JCAD: variants seen among roughly 807,000 people sequenced by gnomAD.
JCAD encodes the protein junctional cadherin 5-associated protein.
A neutral mutation model predicts 98.0 loss-of-function variants in JCAD; 40 were observed. That is an observed-to-expected ratio of 0.41 (90% CI 0.32 to 0.53). The LOEUF is 0.53. Ranked by LOEUF, JCAD falls within the 20% of genes least tolerant of loss-of-function variation. The pLI, the probability that JCAD is intolerant of heterozygous loss-of-function variation, is 0.31. For missense variants in JCAD, 1,705 were observed against 1,738.1 expected (o/e 0.98, Z 0.34); for synonymous variants, 691 against 682.3 (o/e 1.01, Z -0.20).
At chr10:30,039,189 T>G (rs1837188391) in intron 2 of JCAD, among the ~76,000 whole-genome samples, 2 of 152,192 alleles carry the variant, frequency 1.3e-5, no homozygotes, top group Non-Finnish European at 2.9e-5. Context: ...ATCCCACTGA[T>G]AGAGGACCCT....
chr10:30,047,822 G>A lies in JCAD; in HGVS notation c.-10C>T, dbSNP rs1434311335. ...CTTCTACACTGTACATGATGCCTGG[G>A]CTTCAGCAAAGCTCAACCACTGGAA... On this transcript the variant is annotated 5_prime_UTR_variant, in exon 2 of 4. Transcript: ENST00000375377. 6.3e-7 allele frequency: 1 copy of A among 1,592,172 alleles called. No individual in the cohort carries two copies. The highest frequency in any genetic ancestry group is 8.6e-7 in the Non-Finnish European group (1 of 1,167,728).
At chr10:30,072,245 GA>G (rs2132672491) in intron 1 of JCAD, among the ~76,000 whole-genome samples, 1 of 152,024 alleles carries the variant, frequency 6.6e-6, no homozygotes, top group East Asian at 1.9e-4. Context: ...AGAAATGAAA[GA>G]AAAAAATTAG....
intron 3 of JCAD, among the ~76,000 whole-genome samples, chr10:30,024,933 G>A (rs1043885847): frequency 1.3e-5 from 2 of 151,948 alleles, no homozygotes; most frequent in South Asian, 2.1e-4. Flanking sequence ...CTGACCTCGT[G>A]ATCCACCCGC....
chr10:30,023,545 A>G (rs1188125885), intron 3 of JCAD, among the ~76,000 whole-genome samples: 1 of 152,162 alleles, frequency 6.6e-6, no homozygotes, highest in African/African-American at 2.4e-5. Context: ...CAAAACTGCT[A>G]ATGATGCATT....
chr10:30,044,904 G>T, intron 2 of JCAD: 1 of 481,642 alleles, frequency 2.1e-6, no homozygotes, highest in Non-Finnish European at 2.7e-6. Context: ...TGGCAGGGAT[G>T]TCTGCAAACA....
At chr10:30,061,264 C>T (rs949376742), upstream of JCAD, among the ~76,000 whole-genome samples, 7 of 152,054 alleles carry the variant, frequency 4.6e-5, no homozygotes, top group Non-Finnish European at 8.8e-5. Context: ...AAATGGTGGC[C>T]GGGCATGGTG....
At chr10:30,051,618 A>G (rs1264296178) in intron 1 of JCAD, among the ~76,000 whole-genome samples, 1 of 152,202 alleles carries the variant, frequency 6.6e-6, no homozygotes, top group East Asian at 1.9e-4. Context: ...TGCAACATTA[A>G]TAGAATTTGG....
At position 30,057,493 on chromosome 10, in the gene JCAD, G is replaced by A. The variant is rs545471905; in HGVS notation, c.-60+1989C>T. Among the ~76,000 whole-genome samples, 10 of 152,168 alleles carry A rather than the reference G, an allele frequency of 6.6e-5. No homozygotes were observed. In the South Asian group the frequency reaches 1.7e-3, roughly 25 times the overall value. ...AGGCTTCTGGAATCTGTGACCACTC[G>A]ATGAGCTATTTGATAACCCTGATGA... is the stretch of plus-strand genomic sequence containing the variant. On this transcript the variant is annotated intron_variant, in intron 1 of 3. Coordinates refer to ENST00000375377, the MANE Select transcript of JCAD (RefSeq NM_020848.4).
chr10:30,071,853 A>C (rs1287249251), intron 1 of JCAD, among the ~76,000 whole-genome samples: 1 of 152,138 alleles, frequency 6.6e-6, no homozygotes, highest in Non-Finnish European at 1.5e-5. Flanking sequence ...TATATGAACA[A>C]AATAAAAAGG....
intron 2 of JCAD, among the ~76,000 whole-genome samples, chr10:30,033,533 A>C (rs2132625399): frequency 6.6e-6 from 1 of 152,256 alleles, no homozygotes; most frequent in African/African-American, 2.4e-5. Flanking sequence ...TTTCATCCCT[A>C]GTTATTACAA....
In JCAD at chr10:30,026,258, C is replaced by T. The variant is rs1238557123; in HGVS notation, c.3890G>A (p.Gly1297Glu). The part of the protein sequence containing the change: ...ELKATTRGQA[G>E]LPGGLVSPGS... The stretch of plus-strand genomic sequence containing the variant: ...AGGAGACACAAGGCCTCCCGGGAGC[C>T]CGGCCTGGCCCCTTGTGGTGGCCTT... Residue 1297 changes from glycine (G) to glutamate (E), a missense_variant, in exon 3 of 4, where the codon GGG becomes GAG. Gly to Glu is a moderately conservative substitution (Grantham distance 98). This residue lies in a region of JCAD where 1,278 missense variants were observed against 1,243.1 expected (regional missense o/e 1.03). Coordinates refer to ENST00000375377, the MANE Select transcript of JCAD (RefSeq NM_020848.4). 3 of 1,613,824 alleles carry T rather than the reference C, an allele frequency of 1.9e-6. No individual in the cohort carries two copies. The highest frequency in any genetic ancestry group is 2.5e-6 in the Non-Finnish European group (3 of 1,180,036).
intron 3 of JCAD, among the ~76,000 whole-genome samples, chr10:30,023,074 G>A (rs890760823): frequency 6.6e-6 from 1 of 151,874 alleles, no homozygotes; most frequent in Non-Finnish European, 1.5e-5. Flanking sequence ...TTTCACTCTT[G>A]TTGCTGAGGC....
Position 30,090,864 on chromosome 10 carries a change from G to A in JCAD, n.129-21043C>T, listed in dbSNP as rs140080453. 4.4e-3 allele frequency among the ~76,000 whole-genome samples: 672 copies of A among 152,202 alleles called. 7 individuals are homozygous for A. In the South Asian group the frequency reaches 0.044, roughly 10 times the overall value. ...AAGATGGGGGGCAAGGGAGGGAACCGGAGCCAAACCCCACGGCAGGATTAG... is the reference window on the plus strand; with the variant it reads ...AAGATGGGGGGCAAGGGAGGGAACCAGAGCCAAACCCCACGGCAGGATTAG... On this transcript the variant is annotated intron_variant and non_coding_transcript_variant, in intron 1 of 2. Transcript: ENST00000465712.
intron 1 of JCAD, among the ~76,000 whole-genome samples, chr10:30,082,867 A>C (rs1415450737): frequency 3.3e-4 from 47 of 142,066 alleles, no homozygotes; most frequent in African/African-American, 6.6e-4. Context: ...AAAAAAAAAA[A>C]AAAAAAAAAA....
At chr10:30,045,983 T>A (rs1012331243) in intron 2 of JCAD, among the ~76,000 whole-genome samples, 1 of 152,226 alleles carries the variant, frequency 6.6e-6, no homozygotes, top group African/African-American at 2.4e-5. Flanking sequence ...GAAGGTCCTT[T>A]GTCTGCAAGG....
Position 30,028,223 on chromosome 10 carries a change from C to T in JCAD, c.1925G>A (p.Gly642Asp), listed in dbSNP as rs767806201. The part of the protein sequence containing the change: ...LELQALTGSM[G>D]GRTEFQKQDL... ...TTGTTTTTGGAACTCCGTTCTCCCACCCATGCTTCCTGTGAGGGCCTGCAG... is the reference window on the plus strand; with the variant it reads ...TTGTTTTTGGAACTCCGTTCTCCCATCCATGCTTCCTGTGAGGGCCTGCAG... Residue 642 changes from glycine (G) to aspartate (D), a missense_variant, in exon 3 of 4, where the codon GGT becomes GAT. Physicochemically the swap from Gly to Asp is moderately conservative, Grantham distance 94. Coordinates refer to ENST00000375377, the MANE Select transcript of JCAD (RefSeq NM_020848.4). 5.0e-6 allele frequency: 8 copies of T among 1,614,082 alleles called. No homozygotes were observed. The African/African-American group carries it at 8.0e-5, about 16-fold the overall frequency.
chr10:30,026,647 C>G lies in JCAD; in HGVS notation c.3501G>C (p.Arg1167Ser). Residue 1167 changes from arginine (R) to serine (S), a missense_variant, in exon 3 of 4, where the codon AGG becomes AGC. Arg to Ser is a moderately radical substitution (Grantham distance 110, BLOSUM62 -1). Around this residue, in one of 3 missense-constraint regions of JCAD, gnomAD observed 1,278 missense variants for 1,243.1 expected, o/e 1.03. Transcript: ENST00000375377. ...AGTGCTCAAAAGCCTGAGGAGCCCG[C>G]CTGGCACTGTCCCTGTCCCCTACAA... ...PLFVGDRDSA[R>S]RAPQAFEHSD... The G allele has an allele frequency of 6.2e-7, 1 of 1,613,142 alleles. No individual in the cohort carries two copies.
In JCAD at chr10:30,013,674, G is replaced by A. The variant is rs944593279; in HGVS notation, c.*4209C>T. 6.6e-6 allele frequency: 1 copy of A among 152,206 alleles called. No individual in the cohort carries two copies. The highest frequency in any genetic ancestry group is 2.4e-5 in the African/African-American group (1 of 41,448). The allele number at this position is 152,206 out of a possible 1,614,324, so 9.4% of individuals were successfully genotyped here. ...TTTGGCTTGGTTGTAAGCCCTAGTA[G>A]GGCCTGTCTTTCATACGGAAAGGGT... On this transcript the variant is annotated 3_prime_UTR_variant, in exon 4 of 4. Coordinates refer to ENST00000375377, the MANE Select transcript of JCAD (RefSeq NM_020848.4).
At position 30,023,662 on chromosome 10, in the gene JCAD, G is replaced by A. The variant is rs886541182; in HGVS notation, c.4045+2441C>T. Among the ~76,000 whole-genome samples the A allele has an allele frequency of 4.0e-5, 6 of 151,822 alleles. No individual in the cohort carries two copies. In the East Asian group the frequency reaches 7.7e-4, roughly 20 times the overall value. ...CCTGCAGATTTTTGGCCATTTTATTGTATATTAGCAAATGCATCAGATGGA... is the reference window on the plus strand; with the variant it reads ...CCTGCAGATTTTTGGCCATTTTATTATATATTAGCAAATGCATCAGATGGA... On this transcript the variant is annotated intron_variant, in intron 3 of 3. Transcript: ENST00000375377.
Sources: allele counts gnomAD v4.1 joint callset (sites outside exome capture counted in the v4.1 genomes callset), GRCh38; gene constraint gnomAD v4.1.1; regional missense constraint gnomAD v4.1.1; transcripts MANE v1.5; gene names NCBI Gene and HGNC (gene_info 2026-07-23, HGNC 2026-07-21).